GRM3: variants seen among roughly 807,000 people sequenced by gnomAD.
The protein encoded by GRM3 is glutamate metabotropic receptor 3.
A neutral mutation model predicts 70.5 loss-of-function variants in GRM3; 26 were observed. The ratio of observed to expected loss-of-function variants is 0.37; its 90% CI spans 0.27 to 0.51. GRM3 has a LOEUF of 0.51. GRM3 is among the 20% of genes least tolerant of loss of function. The pLI is 0.93. For synonymous variants in GRM3, 443 were observed against 434.9 expected (o/e 1.02, Z -0.23); for missense variants, 859 against 1,123.8 (o/e 0.76, Z 3.37).
intron 5 of GRM3, 129 bp from the exon 6 acceptor site, chr7:86,864,153 T>C (rs941629794): frequency 3.0e-6 from 2 of 658,158 alleles, no homozygotes; most frequent in African/African-American, 3.6e-5. Flanking sequence ...CTCCAATTTG[T>C]AGTCTTTTAT....
At chr7:86,699,259 G>A (rs1794897242) in intron 1 of GRM3, among the ~76,000 whole-genome samples, 1 of 151,886 alleles carries the variant, frequency 6.6e-6, no homozygotes, top group Non-Finnish European at 1.5e-5. Flanking sequence ...ACACCTACCA[G>A]CTTATGTAGG....
At position 86,838,899 on chromosome 7, in the gene GRM3, G is replaced by A; in HGVS notation, c.1385G>A (p.Gly462Glu). The A allele has an allele frequency of 6.2e-7, 1 of 1,613,590 alleles. No individual in the cohort carries two copies. The highest frequency in any genetic ancestry group is 8.5e-7 in the Non-Finnish European group (1 of 1,179,652). Reference protein sequence around the residue: ...SIVKFDTFGDGMGRYNVFNFQ... With the variant: ...SIVKFDTFGDEMGRYNVFNFQ... Reference sequence around the variant, plus strand: ...GTCAAGTTTGACACTTTTGGAGATGGAATGGGGCGATACAACGTGTTCAAT... The same window carrying A: ...GTCAAGTTTGACACTTTTGGAGATGAAATGGGGCGATACAACGTGTTCAAT... Residue 462 changes from glycine to glutamate, a missense_variant, in exon 4 of 6, where the codon GGA (glycine) becomes GAA (glutamate). Physicochemically the swap from Gly to Glu is moderately conservative, Grantham distance 98. Transcript: ENST00000361669.
At chr7:86,863,965 C>A (rs557955354) in intron 5 of GRM3, among the ~76,000 whole-genome samples, 1 of 152,204 alleles carries the variant, frequency 6.6e-6, no homozygotes, top group East Asian at 1.9e-4. Context: ...GCATTTTAAC[C>A]ATTTAGCACT....
intron 1 of GRM3, among the ~76,000 whole-genome samples, chr7:86,648,498 G>A (rs557227053): frequency 6.6e-6 from 1 of 152,250 alleles, no homozygotes; most frequent in East Asian, 1.9e-4. Context: ...GAATGTAATA[G>A]TGTATATAGT....
intron 3 of GRM3, among the ~76,000 whole-genome samples, chr7:86,814,137 T>G (rs1208126927): frequency 6.6e-6 from 1 of 151,852 alleles, no homozygotes; most frequent in African/African-American, 2.4e-5. Context: ...GCACCCCCAA[T>G]TTAATGGCTC....
chr7:86,812,429 A>G (rs1179956834), intron 3 of GRM3, among the ~76,000 whole-genome samples: 1 of 151,850 alleles, frequency 6.6e-6, no homozygotes, highest in Non-Finnish European at 1.5e-5. Flanking sequence ...ACTTTAGAGT[A>G]TGTGGCTACA....
intron 1 of GRM3, among the ~76,000 whole-genome samples, chr7:86,680,077 T>A (rs1794407276): frequency 6.6e-6 from 1 of 152,140 alleles, no homozygotes; most frequent in Admixed American, 6.6e-5. Context: ...CTGACTGTCC[T>A]TTGCAGTATT....
chr7:86,735,358 CA>C (rs112777102), intron 1 of GRM3, among the ~76,000 whole-genome samples: 6 of 150,826 alleles, frequency 4.0e-5, no homozygotes, highest in South Asian at 2.1e-4. Flanking sequence ...TGAAGTCAGA[CA>C]AAAAAAAATC....
chr7:86,746,172 T>C (rs184140720), intron 1 of GRM3, among the ~76,000 whole-genome samples: 65 of 151,786 alleles, frequency 4.3e-4, no homozygotes, highest in African/African-American at 1.6e-3. Context: ...TTTCCTCATC[T>C]GGCTCTATAA....
chr7:86,854,978 G>A (rs142090459), intron 5 of GRM3, among the ~76,000 whole-genome samples: 6 of 152,266 alleles, frequency 3.9e-5, no homozygotes, highest in South Asian at 2.1e-4. Context: ...GAACCTGGCC[G>A]CTCAGAAAAC....
At chr7:86,737,530 C>A (rs1388259211) in intron 1 of GRM3, among the ~76,000 whole-genome samples, 1 of 152,146 alleles carries the variant, frequency 6.6e-6, no homozygotes, top group African/African-American at 2.4e-5. Flanking sequence ...AGGAATGAAA[C>A]GTAACACAGT....
intron 2 of GRM3, among the ~76,000 whole-genome samples, chr7:86,774,741 C>T (rs1562857776): frequency 2.0e-5 from 3 of 152,166 alleles, no homozygotes; most frequent in South Asian, 2.1e-4. Context: ...CCTCCAATTT[C>T]GGTAGATACC....
At chr7:86,697,575 T>C (rs563018461) in intron 1 of GRM3, among the ~76,000 whole-genome samples, 5 of 152,140 alleles carry the variant, frequency 3.3e-5, no homozygotes, top group Non-Finnish European at 5.9e-5. Flanking sequence ...TTCCTAAAAG[T>C]GTAAGTTTAG....
At chr7:86,770,649 T>C (rs1306659551) in intron 2 of GRM3, among the ~76,000 whole-genome samples, 3 of 152,120 alleles carry the variant, frequency 2.0e-5, no homozygotes, top group Admixed American at 6.6e-5. Context: ...GTATTAAGCA[T>C]TGGTTTCTTT....
chr7:86,708,680 T>C (rs1161985663), intron 1 of GRM3, among the ~76,000 whole-genome samples: 2 of 152,074 alleles, frequency 1.3e-5, no homozygotes, highest in Non-Finnish European at 2.9e-5. Flanking sequence ...AGTCCACTAT[T>C]GGAAGAATAG....
rs1048351275 is a variant in GRM3 at position 86,644,727 on chromosome 7, T to C, written c.-286T>C. Reference sequence around the variant, plus strand: ...TTCGAGGGCAAAATAAGTTCTCCCTTGGATTTGGAAAGGACAAAGCCAGTA... The same window carrying C: ...TTCGAGGGCAAAATAAGTTCTCCCTCGGATTTGGAAAGGACAAAGCCAGTA... On this transcript the variant is annotated 5_prime_UTR_variant, in exon 1 of 6. Coordinates refer to ENST00000361669, the MANE Select transcript of GRM3 (RefSeq NM_000840.3). 4.3e-6 allele frequency: 5 copies of C among 1,171,924 alleles called. No individual in the cohort carries two copies. The highest frequency in any genetic ancestry group is 5.7e-6 in the Non-Finnish European group (5 of 881,124). 72.6% of individuals were successfully genotyped at this position (1,171,924 alleles called of 1,614,324 possible). A position where few individuals can be genotyped will look rare whatever the true frequency, so the allele number is the denominator to read the frequency against.
chr7:86,703,861 G>T (rs908943647), intron 1 of GRM3, among the ~76,000 whole-genome samples: 5 of 151,748 alleles, frequency 3.3e-5, no homozygotes, highest in Non-Finnish European at 7.4e-5. Flanking sequence ...TAATAAACCT[G>T]CCCTAGACAC....
intron 1 of GRM3, among the ~76,000 whole-genome samples, chr7:86,703,953 C>A (rs1330307434): frequency 6.6e-6 from 1 of 151,876 alleles, no homozygotes; most frequent in Non-Finnish European, 1.5e-5. Context: ...CCCAAAAAAG[C>A]CCATTAAAGT....
intron 1 of GRM3, among the ~76,000 whole-genome samples, chr7:86,742,761 C>A (rs1396785585): frequency 6.6e-6 from 1 of 152,048 alleles, no homozygotes; most frequent in East Asian, 1.9e-4. Context: ...TTAAAGGTGA[C>A]CTTTGCAAAG....
Sources: gnomAD v4.1 joint callset for allele counts (sites outside exome capture counted in the v4.1 genomes callset) on GRCh38, gnomAD v4.1.1 for gene constraint, MANE v1.5 for transcripts, NCBI Gene and HGNC (gene_info 2026-07-23, HGNC 2026-07-21) for gene names.